PLCL1: variants seen among roughly 807,000 people sequenced by gnomAD.
PLCL1 encodes the protein phospholipase C like 1 (inactive).
In PLCL1, 41 loss-of-function variants were observed where a neutral mutation model predicts 84.4. The observed-to-expected ratio is 0.49, with a 90% CI of 0.38 to 0.63. The LOEUF (loss-of-function observed/expected upper bound fraction) is 0.63. Ranked by LOEUF, PLCL1 falls within the 30% of genes least tolerant of loss-of-function variation. PLCL1 has a pLI of 0.00. For synonymous variants in PLCL1, 490 were observed against 488.3 expected (o/e 1.00, Z -0.05); for missense variants, 1,206 against 1,367.8 (o/e 0.88, Z 1.87).
chr2:198,120,202 A>G (rs1693836140), intron 5 of PLCL1, among the ~76,000 whole-genome samples: 1 of 151,942 alleles, frequency 6.6e-6, no homozygotes. Flanking sequence ...TTGTGGGTAC[A>G]TAGGTGTATA....
chr2:198,140,883 T>C (rs1694370218), intron 5 of PLCL1, among the ~76,000 whole-genome samples: 1 of 152,140 alleles, frequency 6.6e-6, no homozygotes, highest in African/African-American at 2.4e-5. Flanking sequence ...TAATCAGAGT[T>C]TGTGACCAAT....
rs141154241 is a variant in PLCL1 at position 197,896,707 on chromosome 2, G to A, written c.240+91368G>A. Among the ~76,000 whole-genome samples the A allele has an allele frequency of 4.8e-3, 732 of 152,122 alleles. 7 individuals carry two copies. Among genetic ancestry groups the A allele is most frequent in the African/African-American group, 0.016 (674 of 41,556 alleles). On this transcript the variant is annotated intron_variant, in intron 1 of 5. Coordinates refer to ENST00000428675, the MANE Select transcript of PLCL1 (RefSeq NM_006226.4). ...TAAGCCACCAGTTTTGCTGCTTAAA[G>A]TTTGGTAATCTTTGTTTACATGCAA... is the stretch of plus-strand genomic sequence containing the variant.
chr2:197,955,635 A>G lies in PLCL1; in HGVS notation c.241-128123A>G, dbSNP rs567965324. Among the ~76,000 whole-genome samples the G allele has an allele frequency of 5.3e-5, 8 of 150,526 alleles. No homozygotes were observed. In the East Asian group the frequency reaches 1.2e-3, roughly 23 times the overall value. On this transcript the variant is annotated intron_variant, in intron 1 of 5. Coordinates refer to ENST00000428675, the MANE Select transcript of PLCL1 (RefSeq NM_006226.4). ...CTCCCACTTATGAGTGAGAACATGC[A>G]GTGTTTGGTTTTCTGTTCCTGTGTT... is the stretch of plus-strand genomic sequence containing the variant.
chr2:198,055,365 A>AAGAG (rs3068250), intron 1 of PLCL1, among the ~76,000 whole-genome samples: 1 of 128,758 alleles, frequency 7.8e-6, no homozygotes, highest in African/African-American at 2.9e-5. Context: ...GAGAGAGAGA[A>AAGAG]AGAGAGAGAG....
At position 197,805,433 on chromosome 2, in the gene PLCL1, C is replaced by A. The variant is rs952065998; in HGVS notation, c.240+94C>A. ...TGTGCGGTGTCCGGAGGCATCCGGG[C>A]TCAGCATTGTTTTCTCCCACCTCCT... On this transcript the variant is annotated intron_variant, in intron 1 of 5. Transcript: ENST00000428675. The surrounding 1 kb of genome is among the most constrained non-coding windows in gnomAD (Gnocchi z 4.0). The A allele has an allele frequency of 6.9e-6, 8 of 1,160,118 alleles. No individual in the cohort carries two copies. Among genetic ancestry groups the A allele is most frequent in the Non-Finnish European group, 8.8e-6 (8 of 913,698 alleles). 71.9% of individuals were successfully genotyped at this position (1,160,118 alleles called of 1,614,324 possible).
At chr2:198,081,619 A>G (rs907871574) in intron 1 of PLCL1, among the ~76,000 whole-genome samples, 10 of 152,232 alleles carry the variant, frequency 6.6e-5, no homozygotes, top group Admixed American at 2.0e-4. Flanking sequence ...GTCAAATGCC[A>G]GGGCACCAAC....
rs186053444 is a variant in PLCL1, at chr2:198,140,249, G to T, written c.3106-6531G>T. On this transcript the variant is annotated intron_variant, in intron 5 of 5. Coordinates refer to ENST00000428675, the MANE Select transcript of PLCL1 (RefSeq NM_006226.4). ...TTTTCCACCAGTAACAGGACCTATT[G>T]TCAGCATTGTTGCCACTGGATTATT... Among the ~76,000 whole-genome samples, 4 of 152,184 alleles carry T rather than the reference G, an allele frequency of 2.6e-5. No individual in the cohort carries two copies. In the East Asian group the frequency reaches 7.7e-4, roughly 29 times the overall value.
intron 5 of PLCL1, among the ~76,000 whole-genome samples, chr2:198,139,294 A>G (rs1419117870): frequency 1.3e-5 from 2 of 152,082 alleles, no homozygotes; most frequent in Non-Finnish European, 2.9e-5. Context: ...ACCTTAATTG[A>G]GGTTGTTTCT....
At chr2:197,868,633 G>A (rs1266829937) in intron 1 of PLCL1, among the ~76,000 whole-genome samples, 1 of 151,890 alleles carries the variant, frequency 6.6e-6, no homozygotes, top group Non-Finnish European at 1.5e-5. Flanking sequence ...CCAAGTAGGT[G>A]GGACTAGAGA....
chr2:197,961,183 T>C (rs1192381571), intron 1 of PLCL1, among the ~76,000 whole-genome samples: 1 of 151,866 alleles, frequency 6.6e-6, no homozygotes, highest in Non-Finnish European at 1.5e-5. Context: ...GCAAAGTTTT[T>C]TCCTTGATAC....
chr2:197,938,301 T>A (rs950782313), intron 1 of PLCL1, among the ~76,000 whole-genome samples: 4 of 152,216 alleles, frequency 2.6e-5, no homozygotes, highest in African/African-American at 9.7e-5. Flanking sequence ...TCCAAGCCAC[T>A]GACTCTTGCA....
intron 1 of PLCL1, among the ~76,000 whole-genome samples, chr2:198,040,875 G>A (rs1308772777): frequency 6.6e-6 from 1 of 152,148 alleles, no homozygotes; most frequent in East Asian, 1.9e-4. Flanking sequence ...CCAAATATGT[G>A]AACCAAAGGA....
intron 1 of PLCL1, among the ~76,000 whole-genome samples, chr2:197,976,624 T>A (rs1033354279): frequency 4.6e-5 from 7 of 152,268 alleles, no homozygotes; most frequent in African/African-American, 1.7e-4. Flanking sequence ...AATTTTTGTA[T>A]TTTTAGTGGA....
chr2:197,963,667 A>G lies in PLCL1; in HGVS notation c.241-120091A>G, dbSNP rs115436626. Among the ~76,000 whole-genome samples the G allele has an allele frequency of 4.8e-3, 731 of 152,246 alleles. 5 individuals carry two copies. The highest frequency in any genetic ancestry group is 0.016 in the African/African-American group (682 of 41,558). On this transcript the variant is annotated intron_variant, in intron 1 of 5. Coordinates refer to ENST00000428675, the MANE Select transcript of PLCL1 (RefSeq NM_006226.4). The stretch of plus-strand genomic sequence containing the variant: ...AATCAAGAAATCTTTGCCCAGTCCA[A>G]TGTCCTAGAGAGTTTTCCCAATGTT...
chr2:197,988,402 C>T (rs941405000), intron 1 of PLCL1, among the ~76,000 whole-genome samples: 3 of 152,126 alleles, frequency 2.0e-5, no homozygotes, highest in Non-Finnish European at 4.4e-5. Flanking sequence ...CATTCTGTGT[C>T]CATTATATCA....
At chr2:198,128,902 G>A (rs560797057) in intron 5 of PLCL1, among the ~76,000 whole-genome samples, 1 of 152,276 alleles carries the variant, frequency 6.6e-6, no homozygotes, top group Admixed American at 6.5e-5. Context: ...TGCAAAGGCA[G>A]TTTCAATGGT....
In PLCL1 at chr2:197,871,688, A is replaced by C. The variant is rs181999039; in HGVS notation, c.240+66349A>C. On this transcript the variant is annotated intron_variant, in intron 1 of 5. Coordinates refer to ENST00000428675, the MANE Select transcript of PLCL1 (RefSeq NM_006226.4). ...CCTTGGCATTCCTTGGCTTATAATA[A>C]CATCGTACCCCAAACAATACAAAAC... Among the ~76,000 whole-genome samples, 125 of 152,216 alleles carry C rather than the reference A, an allele frequency of 8.2e-4. 1 individual carries two copies. The Middle Eastern group carries it at 0.01, about 12-fold the overall frequency.
intron 1 of PLCL1, among the ~76,000 whole-genome samples, chr2:197,859,866 T>C (rs1687396715): frequency 6.6e-6 from 1 of 152,124 alleles, no homozygotes; most frequent in Admixed American, 6.6e-5. Context: ...ACAGAACAGA[T>C]CTCTGTCTTT....
At chr2:197,964,193 T>G (rs1223097315) in intron 1 of PLCL1, among the ~76,000 whole-genome samples, 1 of 152,152 alleles carries the variant, frequency 6.6e-6, no homozygotes, top group Non-Finnish European at 1.5e-5. Flanking sequence ...TTCAGTAGTA[T>G]GAACGTTCTA....
Sources: gnomAD v4.1 joint callset for allele counts (sites outside exome capture counted in the v4.1 genomes callset) on GRCh38, gnomAD v4.1.1 for gene constraint, Gnocchi (gnomAD v3.1) non-coding constraint, MANE v1.5 for transcripts, NCBI Gene and HGNC (gene_info 2026-07-23, HGNC 2026-07-21) for gene names.